PCDHA4: variants seen among roughly 807,000 people sequenced by gnomAD.
The protein encoded by PCDHA4 is protocadherin alpha 4.
A neutral mutation model predicts 61.4 loss-of-function variants in PCDHA4; 49 were observed. The ratio of observed to expected loss-of-function variants is 0.80; its 90% CI spans 0.63 to 1.01. The LOEUF (loss-of-function observed/expected upper bound fraction) is 1.01, where lower values mean the gene tolerates loss of function less well. PCDHA4 is among the 50% of genes least tolerant of loss of function. PCDHA4 has a pLI of 0.00. For synonymous variants in PCDHA4, 590 were observed against 550.3 expected (o/e 1.07, Z -1.01); for missense variants, 1,254 against 1,235.8 (o/e 1.01, Z -0.22).
Position 140,857,340 on chromosome 5 carries a change from C to T in PCDHA4, c.2385+47768C>T, listed in dbSNP as rs782392001. ...GTGGTGACCGCGCGGGACGGGGGCTCGCCTCCGCTGTGGGCCACGGCCAGC... is the reference window on the plus strand; with the variant it reads ...GTGGTGACCGCGCGGGACGGGGGCTTGCCTCCGCTGTGGGCCACGGCCAGC... On this transcript the variant is annotated intron_variant, in intron 1 of 3. Coordinates refer to ENST00000530339, the MANE Select transcript of PCDHA4 (RefSeq NM_018907.4). 2.5e-6 allele frequency: 4 copies of T among 1,598,236 alleles called. 1 individual carries two copies. Among genetic ancestry groups the T allele is most frequent in the Non-Finnish European group, 2.6e-6 (3 of 1,167,864 alleles).
intron 1 of PCDHA4, chr5:140,927,592 G>T: frequency 6.2e-7 from 1 of 1,614,170 alleles, no homozygotes; most frequent in Admixed American, 1.7e-5. Context: ...GCCTGTATTT[G>T]AGCGCTCCGT....
chr5:140,844,617 C>G lies in PCDHA4; in HGVS notation c.2385+35045C>G, dbSNP rs1271034254. 1.3e-5 allele frequency among the ~76,000 whole-genome samples: 2 copies of G among 149,204 alleles called. 1 individual carries two copies. The highest frequency in any genetic ancestry group is 4.9e-5 in the African/African-American group (2 of 40,768). ...AATATATGACTTAGAAAAATGTTTT[C>G]ATCAGAAAAACTATACATGATAATT... On this transcript the variant is annotated intron_variant, in intron 1 of 3. Coordinates refer to ENST00000530339, the MANE Select transcript of PCDHA4 (RefSeq NM_018907.4).
intron 1 of PCDHA4, chr5:140,834,482 C>T (rs2150219346): frequency 5.0e-6 from 8 of 1,614,172 alleles, no homozygotes; most frequent in South Asian, 1.1e-5. Context: ...AGCTCCACTA[C>T]TCGGTCCCCG....
intron 1 of PCDHA4, chr5:140,842,175 T>A (rs2150330904): frequency 1.2e-6 from 2 of 1,613,894 alleles, no homozygotes; most frequent in South Asian, 2.2e-5. Flanking sequence ...AATAGCCTTG[T>A]TGAAACTATG....
At chr5:140,839,813 C>A (rs1776427171) in intron 1 of PCDHA4, among the ~76,000 whole-genome samples, 1 of 151,938 alleles carries the variant, frequency 6.6e-6, no homozygotes, top group Non-Finnish European at 1.5e-5. Context: ...TAATTGCCTA[C>A]TATGAAGGCA....
intron 1 of PCDHA4, among the ~76,000 whole-genome samples, chr5:140,954,934 T>A (rs1417357535): frequency 2.6e-5 from 4 of 152,208 alleles, no homozygotes; most frequent in African/African-American, 9.6e-5. Flanking sequence ...TTAATTAATC[T>A]TGAGTTAATT....
chr5:140,921,257 A>G lies in PCDHA4; in HGVS notation c.2386-57692A>G, dbSNP rs115706395. On this transcript the variant is annotated intron_variant, in intron 1 of 3. Coordinates refer to ENST00000530339, the MANE Select transcript of PCDHA4 (RefSeq NM_018907.4). The stretch of plus-strand genomic sequence containing the variant: ...ATTAAGCCACAGATCAAAAAGTCCT[A>G]GACTTTTATACTTACTTGAAAAAAA... 1.4e-3 allele frequency among the ~76,000 whole-genome samples: 213 copies of G among 152,258 alleles called. 1 individual carries two copies. The highest frequency in any genetic ancestry group is 4.8e-3 in the African/African-American group (199 of 41,532).
chr5:140,883,109 T>C (rs782237873), intron 1 of PCDHA4: 95 of 1,613,962 alleles, frequency 5.9e-5, no homozygotes, highest in Non-Finnish European at 8.0e-5. Context: ...AGTTTACTCA[T>C]TTAGAAGGCC....
chr5:140,954,824 C>A (rs1167171102), intron 1 of PCDHA4, among the ~76,000 whole-genome samples: 1 of 152,068 alleles, frequency 6.6e-6, no homozygotes, highest in Admixed American at 6.6e-5. Flanking sequence ...GCTTTAGGCA[C>A]TTTTGTCATG....
intron 1 of PCDHA4, chr5:140,843,188 C>T (rs2150354903): frequency 6.3e-7 from 1 of 1,596,014 alleles, no homozygotes; most frequent in Non-Finnish European, 8.6e-7. Flanking sequence ...CATCCCGTTC[C>T]GCGTGGGGCT....
At chr5:140,996,431 T>C (rs1294673547) in intron 3 of PCDHA4, among the ~76,000 whole-genome samples, 1 of 152,182 alleles carries the variant, frequency 6.6e-6, no homozygotes, top group African/African-American at 2.4e-5. Flanking sequence ...ACTTTGGGAA[T>C]AGTCAGTGTC....
intron 1 of PCDHA4, among the ~76,000 whole-genome samples, chr5:140,924,902 AAAATAAAATAAAAT>A (rs1442290811): frequency 5.1e-5 from 2 of 39,026 alleles, no homozygotes; most frequent in East Asian, 1.3e-3. Flanking sequence ...CTCAAAAAAA[AAAATAAAATAAAAT>A]AAAATAAAAT....
chr5:140,842,517 C>T (rs2150337878), intron 1 of PCDHA4: 7 of 1,613,506 alleles, frequency 4.3e-6, no homozygotes, highest in South Asian at 1.1e-5. Context: ...AAGCTGGTGT[C>T]CACCTTCAAG....
At chr5:140,887,135 C>T (rs2061323683) in intron 1 of PCDHA4, among the ~76,000 whole-genome samples, 1 of 150,802 alleles carries the variant, frequency 6.6e-6, no homozygotes, top group Non-Finnish European at 1.5e-5. Context: ...CTCACTCTGT[C>T]GCCCAGGCTG....
At chr5:140,883,384 CAG>C (rs1554177987) in intron 1 of PCDHA4, 2 of 1,614,072 alleles carry the variant, frequency 1.2e-6, no homozygotes, top group African/African-American at 2.7e-5. Context: ...TTGCCCTAAT[CAG>C]TGTGTCCGAT....
chr5:140,917,331 G>T (rs1256665914), intron 1 of PCDHA4, among the ~76,000 whole-genome samples: 12 of 137,574 alleles, frequency 8.7e-5, no homozygotes, highest in African/African-American at 3.0e-4. Context: ...TGGCGGGGGA[G>T]GGGGGGGATG....
At chr5:140,851,412 A>G in intron 1 of PCDHA4, 2 of 962,264 alleles carry the variant, frequency 2.1e-6, no homozygotes, top group East Asian at 1.1e-4. Context: ...TAAGAAAGAA[A>G]CTTCCCCTAA....
chr5:140,982,661 T>C, intron 3 of PCDHA4, 98 bp downstream of exon 3: 1 of 1,482,624 alleles, frequency 6.7e-7, no homozygotes, highest in Admixed American at 2.6e-5. Flanking sequence ...TCTTTTTCTT[T>C]TATATTTTTG....
At chr5:140,876,238 CA>C in intron 1 of PCDHA4, 4 of 1,613,896 alleles carry the variant, frequency 2.5e-6, no homozygotes, top group Non-Finnish European at 3.4e-6. Context: ...TGAAAATGTC[CA>C]AAACGACACA....
Sources: allele counts gnomAD v4.1 joint callset (sites outside exome capture counted in the v4.1 genomes callset), GRCh38; gene constraint gnomAD v4.1.1; transcripts MANE v1.5; gene names NCBI Gene and HGNC (gene_info 2026-07-23, HGNC 2026-07-21).